Variants in MCTP2 observed in about 807,000 individuals in gnomAD.
The protein encoded by MCTP2 is multiple C2 and transmembrane domain containing 2.
Under a neutral mutation model 111.6 loss-of-function variants are expected in MCTP2, and 132 were observed. That is an observed-to-expected ratio of 1.18 (90% confidence interval 1.03 to 1.37). The LOEUF (loss-of-function observed/expected upper bound fraction) is 1.37. Ranked by LOEUF, MCTP2 falls within the 40% of genes most tolerant of loss-of-function variation. The pLI is 0.00. For missense variants in MCTP2, 1,183 were observed against 1,067.9 expected, an observed-to-expected ratio of 1.11 and a Z score of -1.50; for synonymous variants, 395 against 387.7, an observed-to-expected ratio of 1.02 and a Z score of -0.22.
At chr15:94,253,654 T>G (rs1037051915) in intron 1 of MCTP2, among the ~76,000 whole-genome samples, 10 of 152,112 alleles carry the variant, frequency 6.6e-5, no homozygotes, top group African/African-American at 2.4e-4. Context: ...GGAGAATAAA[T>G]GGGGTGTGTA....
At position 94,483,672 on chromosome 15, in the gene MCTP2, T is replaced by C. The variant is rs1369554617; in HGVS notation, c.*4638T>C. 1.3e-5 allele frequency: 2 copies of C among 151,896 alleles called. No individual in the cohort carries two copies. The highest frequency in any genetic ancestry group is 2.9e-5 in the Non-Finnish European group (2 of 67,978). 9.4% of individuals were successfully genotyped at this position (151,896 alleles called of 1,614,324 possible). On this transcript the variant is annotated 3_prime_UTR_variant, in exon 23 of 23. Coordinates refer to ENST00000357742, the MANE Select transcript of MCTP2 (RefSeq NM_001385001.1). The stretch of plus-strand genomic sequence containing the variant: ...TAAATGATGAGAACACATGGACATG[T>C]AGAAGGGAACAAAATACACTGGGGG...
Position 94,416,714 on chromosome 15 carries a change from T to C in MCTP2, c.2085+14695T>C, listed in dbSNP as rs565256254. ...AACTTGCAAAGTTGGATCTCTTCTA[T>C]TGCACAGAAAATATAGTGCAGAATT... On this transcript the variant is annotated intron_variant, in intron 17 of 22. Coordinates refer to ENST00000357742, the MANE Select transcript of MCTP2 (RefSeq NM_001385001.1). Among the ~76,000 whole-genome samples, 7 of 152,104 alleles carry C rather than the reference T, an allele frequency of 4.6e-5. No homozygotes were observed. In the East Asian group the frequency reaches 1.2e-3, roughly 25 times the overall value.
chr15:94,298,869 T>TCTCCCC, intron 2 of MCTP2, 139 bp downstream of exon 2: 2 of 260,050 alleles, frequency 7.7e-6, no homozygotes, highest in Non-Finnish European at 1.3e-5. Context: ...TCCCTCTCTC[T>TCTCCCC]CTCCCCCTCC....
chr15:94,304,709 G>A (rs1393900722), intron 2 of MCTP2, among the ~76,000 whole-genome samples: 2 of 152,106 alleles, frequency 1.3e-5, no homozygotes, highest in African/African-American at 2.4e-5. Flanking sequence ...CATGCTGAAT[G>A]GCATTTCATA....
chr15:94,401,790 T>C (rs2081604264), intron 16 of MCTP2, 110 bp from the exon 17 acceptor site: 5 of 726,696 alleles, frequency 6.9e-6, no homozygotes, highest in Middle Eastern at 4.0e-4. Flanking sequence ...TATCATATTT[T>C]AAAATTGGGA....
At chr15:94,264,046 A>G (rs1347040139) in intron 1 of MCTP2, among the ~76,000 whole-genome samples, 1 of 152,140 alleles carries the variant, frequency 6.6e-6, no homozygotes, top group East Asian at 1.9e-4. Flanking sequence ...CTGACACTTG[A>G]AACCTCTTAG....
chr15:94,465,583 T>C (rs2073205194), intron 20 of MCTP2, among the ~76,000 whole-genome samples: 1 of 152,096 alleles, frequency 6.6e-6, no homozygotes, highest in Non-Finnish European at 1.5e-5. Context: ...AGTCTCACCT[T>C]TCTTTTCTCC....
chr15:94,254,371 C>T (rs1428489560), intron 1 of MCTP2, among the ~76,000 whole-genome samples: 2 of 152,122 alleles, frequency 1.3e-5, no homozygotes, highest in Non-Finnish European at 2.9e-5. Flanking sequence ...TCAGAGAGAA[C>T]CTGGTTCGAA....
chr15:94,458,850 T>C (rs998369078), intron 20 of MCTP2, among the ~76,000 whole-genome samples: 1 of 152,202 alleles, frequency 6.6e-6, no homozygotes, highest in Non-Finnish European at 1.5e-5. Context: ...GTAAAAGGAG[T>C]AACAGTTAAT....
In MCTP2 at chr15:94,412,051, A is replaced by G. The variant is rs377252890; in HGVS notation, c.2085+10032A>G. Among the ~76,000 whole-genome samples the G allele has an allele frequency of 1.2e-4, 18 of 152,178 alleles. No homozygotes were observed. In the East Asian group the frequency reaches 2.1e-3, roughly 18 times the overall value. On this transcript the variant is annotated intron_variant, in intron 17 of 22. Coordinates refer to ENST00000357742, the MANE Select transcript of MCTP2 (RefSeq NM_001385001.1). The stretch of plus-strand genomic sequence containing the variant: ...CAAGACCCAACAGCTGTTGTTTTTA[A>G]TATAGGAAAGATGGAGCCACAGAAT...
At chr15:94,426,263 C>T (rs964696279) in intron 17 of MCTP2, among the ~76,000 whole-genome samples, 3 of 151,910 alleles carry the variant, frequency 2.0e-5, no homozygotes. Context: ...GATTCTCATC[C>T]AGTATCACTT....
At chr15:94,394,356 G>A (rs1467303135) in intron 14 of MCTP2, among the ~76,000 whole-genome samples, 1 of 152,158 alleles carries the variant, frequency 6.6e-6, no homozygotes, top group Non-Finnish European at 1.5e-5. Context: ...CCGGCACACA[G>A]TGAGCACTTA....
intron 2 of MCTP2, 32 bp downstream of exon 2, chr15:94,298,762 G>GTCTC (rs752096854): frequency 7.8e-5 from 100 of 1,277,062 alleles, no homozygotes; most frequent in African/African-American, 4.9e-4. Context: ...CTTTTTTTTT[G>GTCTC]TCTCTCTCTC....
chr15:94,245,120 G>T (rs570281449), intron 1 of MCTP2, among the ~76,000 whole-genome samples: 1 of 148,460 alleles, frequency 6.7e-6, no homozygotes, highest in South Asian at 2.1e-4. Context: ...ATATGTATAT[G>T]TATACACATG....
intron 4 of MCTP2, among the ~76,000 whole-genome samples, chr15:94,317,298 G>C (rs531706923): frequency 5.9e-5 from 9 of 152,194 alleles, no homozygotes; most frequent in Admixed American, 5.9e-4. Flanking sequence ...CCCATCTGTG[G>C]ATGTTATTTT....
intron 1 of MCTP2, among the ~76,000 whole-genome samples, chr15:94,243,970 T>C (rs533548202): frequency 2.2e-4 from 32 of 146,304 alleles, no homozygotes; most frequent in Non-Finnish European, 3.2e-4. Flanking sequence ...TACACACACA[T>C]ATGTATACAC....
chr15:94,261,109 C>A (rs2073153048), intron 1 of MCTP2, among the ~76,000 whole-genome samples: 1 of 152,080 alleles, frequency 6.6e-6, no homozygotes, highest in Non-Finnish European at 1.5e-5. Context: ...TCCCCTGCCT[C>A]CTCACCACCC....
At chr15:94,466,642 C>G (rs1265670864) in intron 20 of MCTP2, among the ~76,000 whole-genome samples, 1 of 152,146 alleles carries the variant, frequency 6.6e-6, no homozygotes. Flanking sequence ...CCTCGTGCCC[C>G]CAATCTCCCA....
At chr15:94,399,843 T>G (rs1360252663) in intron 15 of MCTP2, 78 bp from the exon 16 acceptor site, 5 of 1,286,090 alleles carry the variant, frequency 3.9e-6, no homozygotes, top group African/African-American at 2.9e-5. Flanking sequence ...TCTGCACGAT[T>G]TTCCCAGTCA....
Sources: allele counts gnomAD v4.1 joint callset (sites outside exome capture counted in the v4.1 genomes callset), GRCh38; gene constraint gnomAD v4.1.1; transcripts MANE v1.5; gene names NCBI Gene and HGNC (gene_info 2026-07-23, HGNC 2026-07-21).